Variants in GRM8 observed in about 807,000 individuals in gnomAD.
The protein encoded by GRM8 is metabotropic glutamate receptor 8.
Under a neutral mutation model 87.2 loss-of-function variants are expected in GRM8, and 47 were observed. That is an observed-to-expected ratio of 0.54 (90% CI 0.43 to 0.69). GRM8 has a LOEUF of 0.69. GRM8 is among the 30% of genes least tolerant of loss of function. GRM8 has a pLI of 0.00. For missense variants in GRM8, 1,019 were observed against 1,139.2 expected, an observed-to-expected ratio of 0.89 and a Z score of 1.52; for synonymous variants, 396 against 404.5, an observed-to-expected ratio of 0.98 and a Z score of 0.25.
At chr7:127,050,181 C>T (rs1819327458) in intron 3 of GRM8, among the ~76,000 whole-genome samples, 1 of 152,160 alleles carries the variant, frequency 6.6e-6, no homozygotes, top group African/African-American at 2.4e-5. Context: ...TGCAATCACC[C>T]AGATGAGAAG....
chr7:126,523,085 C>T (rs181692566), intron 9 of GRM8, among the ~76,000 whole-genome samples: 3 of 152,204 alleles, frequency 2.0e-5, no homozygotes, highest in East Asian at 1.9e-4. Flanking sequence ...AAGAAGAGGA[C>T]GTTCAAAAAG....
chr7:126,475,041 G>C (rs948133952), intron 9 of GRM8, among the ~76,000 whole-genome samples: 3 of 152,068 alleles, frequency 2.0e-5, no homozygotes, highest in Admixed American at 1.3e-4. Context: ...ACAGTGAAAA[G>C]CTGATAGCTT....
rs116884468 is a variant in GRM8 at position 126,445,464 on chromosome 7, G to A, written c.2677+662C>T. Reference sequence around the variant, plus strand: ...TTTTTCCTGGGTGGACTGTAGAGACGAAAATAGGTAAAGAAAAGAAAAATG... The same window carrying A: ...TTTTTCCTGGGTGGACTGTAGAGACAAAAATAGGTAAAGAAAAGAAAAATG... On this transcript the variant is annotated intron_variant, in intron 10 of 10. Coordinates refer to ENST00000339582, the MANE Select transcript of GRM8 (RefSeq NM_000845.3). 4.8e-3 allele frequency: 729 copies of A among 152,292 alleles called. 2 individuals are homozygous for A. The highest frequency in any genetic ancestry group is 7.3e-3 in the Non-Finnish European group (495 of 68,178). 9.4% of individuals were successfully genotyped at this position (152,292 alleles called of 1,614,324 possible).
At chr7:126,529,366 T>G (rs1814439163) in intron 9 of GRM8, among the ~76,000 whole-genome samples, 2 of 152,174 alleles carry the variant, frequency 1.3e-5, no homozygotes, top group Admixed American at 1.3e-4. Context: ...AGAGACATAT[T>G]CATTCAGACA....
intron 2 of GRM8, among the ~76,000 whole-genome samples, chr7:127,154,665 T>C (rs1473683012): frequency 6.6e-6 from 1 of 152,124 alleles, no homozygotes; most frequent in African/African-American, 2.4e-5. Context: ...TCATCTACCT[T>C]GCAGACAAAT....
intron 7 of GRM8, among the ~76,000 whole-genome samples, chr7:126,672,648 G>A (rs1021516278): frequency 6.6e-6 from 1 of 152,154 alleles, no homozygotes; most frequent in Non-Finnish European, 1.5e-5. Context: ...CAACATGCTG[G>A]CAAAAGGGTA....
chr7:126,937,373 A>G (rs1336978010), intron 3 of GRM8, among the ~76,000 whole-genome samples: 1 of 152,214 alleles, frequency 6.6e-6, no homozygotes, highest in Non-Finnish European at 1.5e-5. Flanking sequence ...ACAGACTGGA[A>G]TTTTTGCGGG....
At chr7:126,614,171 A>G (rs1799209322) in intron 7 of GRM8, among the ~76,000 whole-genome samples, 1 of 152,112 alleles carries the variant, frequency 6.6e-6, no homozygotes, top group Admixed American at 6.6e-5. Context: ...TACCCTTCTG[A>G]GACGAAACTT....
At chr7:127,197,453 T>C (rs780029687) in intron 2 of GRM8, among the ~76,000 whole-genome samples, 7 of 152,042 alleles carry the variant, frequency 4.6e-5, no homozygotes, top group Non-Finnish European at 5.9e-5. Flanking sequence ...AGGGAGAGGG[T>C]TGTGACCAAA....
chr7:126,934,557 C>G (rs1244934788), intron 3 of GRM8, among the ~76,000 whole-genome samples: 5 of 152,130 alleles, frequency 3.3e-5, no homozygotes, highest in Admixed American at 3.3e-4. Context: ...AGACAGAAAT[C>G]TCAGATTCTT....
At chr7:126,997,290 C>G (rs1005845781) in intron 3 of GRM8, among the ~76,000 whole-genome samples, 5 of 151,346 alleles carry the variant, frequency 3.3e-5, no homozygotes, top group Non-Finnish European at 7.4e-5. Context: ...TAAGATACAG[C>G]AAAAGCAGTA....
rs528278238 is a variant in GRM8 at position 126,588,282 on chromosome 7, T to A, written c.1494+21080A>T. Among the ~76,000 whole-genome samples the A allele has an allele frequency of 1.3e-3, 194 of 151,036 alleles. 1 individual carries two copies. The highest frequency in any genetic ancestry group is 2.3e-3 in the Non-Finnish European group (154 of 67,528). Reference sequence around the variant, plus strand: ...CAGTAAGAGTTTGGTTCTAGTGCCATAGACAGTATAATGTTGATAGAAAGT... The same window carrying A: ...CAGTAAGAGTTTGGTTCTAGTGCCAAAGACAGTATAATGTTGATAGAAAGT... On this transcript the variant is annotated intron_variant, in intron 8 of 10. Transcript: ENST00000339582.
At chr7:126,837,576 C>T (rs1015970113) in intron 6 of GRM8, among the ~76,000 whole-genome samples, 2 of 152,326 alleles carry the variant, frequency 1.3e-5, no homozygotes, top group African/African-American at 4.8e-5. Context: ...TCACTTCATT[C>T]CCTCTTCCAA....
At chr7:126,593,065 A>T (rs1796841106) in intron 8 of GRM8, among the ~76,000 whole-genome samples, 1 of 152,002 alleles carries the variant, frequency 6.6e-6, no homozygotes, top group African/African-American at 2.4e-5. Context: ...GAGTTAGAAG[A>T]TCTATACATT....
intron 3 of GRM8, among the ~76,000 whole-genome samples, chr7:127,031,121 G>A (rs761795454): frequency 1.6e-4 from 25 of 151,964 alleles, no homozygotes; most frequent in Non-Finnish European, 3.1e-4. Flanking sequence ...CCAACTGTGT[G>A]GTCAACACAA....
intron 9 of GRM8, among the ~76,000 whole-genome samples, chr7:126,498,590 A>G (rs1379588830): frequency 6.6e-6 from 1 of 152,016 alleles, no homozygotes; most frequent in Non-Finnish European, 1.5e-5. Context: ...AGTCTCCAGA[A>G]AAGTGGGGGG....
At chr7:126,526,450 G>C (rs1296102072) in intron 9 of GRM8, among the ~76,000 whole-genome samples, 1 of 152,092 alleles carries the variant, frequency 6.6e-6, no homozygotes, top group Non-Finnish European at 1.5e-5. Flanking sequence ...ATATCCAGTG[G>C]TCTAGTTGCA....
intron 6 of GRM8, among the ~76,000 whole-genome samples, chr7:126,872,143 A>G (rs928958440): frequency 6.6e-6 from 1 of 152,102 alleles, no homozygotes; most frequent in African/African-American, 2.4e-5. Context: ...TGTGCATAGG[A>G]TGGAAGGAAG....
At chr7:126,710,031 A>G (rs1810942777) in intron 7 of GRM8, among the ~76,000 whole-genome samples, 2 of 152,198 alleles carry the variant, frequency 1.3e-5, no homozygotes, top group African/African-American at 4.8e-5. Context: ...GAGTCACACA[A>G]ATATTCTGGT....
Sources: gnomAD v4.1 joint callset for allele counts (sites outside exome capture counted in the v4.1 genomes callset) on GRCh38, gnomAD v4.1.1 for gene constraint, MANE v1.5 for transcripts, NCBI Gene and HGNC (gene_info 2026-07-23, HGNC 2026-07-21) for gene names.